MEOX2: variants seen among roughly 807,000 people sequenced by gnomAD.
MEOX2 encodes the protein homeobox protein MOX-2.
Under a neutral mutation model 27.0 loss-of-function variants are expected in MEOX2, and 11 were observed. That is an observed-to-expected ratio of 0.41 (90% CI 0.26 to 0.68). The LOEUF (loss-of-function observed/expected upper bound fraction) is 0.68. Among genes scored for constraint, MEOX2 ranks in the 30% least tolerant of loss-of-function variants. The pLI, the probability that MEOX2 is intolerant of heterozygous loss-of-function variation, is 0.33. For missense variants in MEOX2, 436 were observed against 385.4 expected (o/e 1.13, Z -1.10); for synonymous variants, 189 against 155.4 (o/e 1.22, Z -1.61).
chr7:15,645,922 T>C (rs1045789544), intron 1 of MEOX2, among the ~76,000 whole-genome samples: 4 of 152,114 alleles, frequency 2.6e-5, no homozygotes, highest in Admixed American at 6.5e-5. Context: ...AGGAAAGTGT[T>C]TCTGGTTTAT....
chr7:15,622,813 T>C (rs1781241548), intron 2 of MEOX2, among the ~76,000 whole-genome samples: 1 of 152,114 alleles, frequency 6.6e-6, no homozygotes, highest in East Asian at 1.9e-4. Flanking sequence ...GTGACGGCAT[T>C]AGGAGATGGG....
chr7:15,659,758 CAAAAAAA>C lies in MEOX2; in HGVS notation c.517+26121_517+26127del, dbSNP rs58319551. Among the ~76,000 whole-genome samples the C allele has an allele frequency of 9.2e-5, 5 of 54,222 alleles. No homozygotes were observed. In the East Asian group the frequency reaches 2.4e-3, roughly 26 times the overall value. The allele number at this position is 54,222 out of a possible 152,430, so 35.6% of individuals were successfully genotyped here. On this transcript the variant is annotated intron_variant, in intron 1 of 2. Transcript: ENST00000262041. ...CTGGGTGACAGAGCGAGACTGCTCTCAAAAAAAAAAAAAAAAAAAAAAAGCAAAGAGG... is the reference window on the plus strand; with the variant it reads ...CTGGGTGACAGAGCGAGACTGCTCTCAAAAAAAAAAAAAAAAGCAAAGAGG...
At chr7:15,669,422 C>G (rs544884121) in intron 1 of MEOX2, among the ~76,000 whole-genome samples, 35 of 152,354 alleles carry the variant, frequency 2.3e-4, no homozygotes, top group Admixed American at 3.9e-4. Flanking sequence ...ACACTCTCAA[C>G]TCATAAATTC....
Position 15,666,611 on chromosome 7 carries a change from G to T in MEOX2, c.517+19275C>A, listed in dbSNP as rs144213341. Among the ~76,000 whole-genome samples the T allele has an allele frequency of 6.2e-3, 936 of 151,444 alleles. 10 individuals are homozygous for T. Among genetic ancestry groups the T allele is most frequent in the African/African-American group, 0.021 (864 of 41,234 alleles). On this transcript the variant is annotated intron_variant, in intron 1 of 2. Transcript: ENST00000262041. ...TACTAAAATACAAAAAATTAGCCGGGCGTTGTGGTATGTGCCTATAGTCCC... is the reference window on the plus strand; with the variant it reads ...TACTAAAATACAAAAAATTAGCCGGTCGTTGTGGTATGTGCCTATAGTCCC...
At chr7:15,615,901 G>C (rs1450746957) in intron 2 of MEOX2, among the ~76,000 whole-genome samples, 11 of 151,866 alleles carry the variant, frequency 7.2e-5, no homozygotes, top group Admixed American at 5.9e-4. Context: ...CTTTTTCTAG[G>C]AGAAGGGATA....
chr7:15,650,576 A>G (rs2115376662), intron 1 of MEOX2, among the ~76,000 whole-genome samples: 1 of 152,198 alleles, frequency 6.6e-6, no homozygotes, highest in African/African-American at 2.4e-5. Flanking sequence ...ATAAATGTTT[A>G]CTGAATGCTT....
intron 1 of MEOX2, among the ~76,000 whole-genome samples, chr7:15,627,781 T>G (rs1407062466): frequency 9.0e-6 from 1 of 111,140 alleles, no homozygotes; most frequent in Non-Finnish European, 2.0e-5. Flanking sequence ...CTTAATATAC[T>G]AAAAAGCAGA....
chr7:15,632,410 C>T (rs1781418777), intron 1 of MEOX2, among the ~76,000 whole-genome samples: 1 of 151,584 alleles, frequency 6.6e-6, no homozygotes, highest in East Asian at 1.9e-4. Context: ...TTTTATCTTT[C>T]CTTTCCTAGA....
At chr7:15,673,976 C>T (rs754344401) in intron 1 of MEOX2, among the ~76,000 whole-genome samples, 39 of 151,950 alleles carry the variant, frequency 2.6e-4, no homozygotes, top group Non-Finnish European at 4.6e-4. Flanking sequence ...CACACACATA[C>T]GCATATATGT....
At chr7:15,626,071 G>C (rs1583746397) in intron 2 of MEOX2, among the ~76,000 whole-genome samples, 1 of 152,080 alleles carries the variant, frequency 6.6e-6, no homozygotes, top group East Asian at 1.9e-4. Context: ...TTGCACCTAA[G>C]CCGCACCATT....
intron 1 of MEOX2, among the ~76,000 whole-genome samples, chr7:15,640,173 C>T (rs1781538036): frequency 6.6e-6 from 1 of 151,694 alleles, no homozygotes; most frequent in Non-Finnish European, 1.5e-5. Flanking sequence ...TTGTAGTTCT[C>T]CTTGTAGAAT....
chr7:15,686,076 G>A lies in MEOX2; in HGVS notation c.327C>T (p.Cys109=), dbSNP rs1366288202. The A allele has an allele frequency of 6.3e-7, 1 of 1,594,422 alleles. No homozygotes were observed. Among genetic ancestry groups the A allele is most frequent in the South Asian group, 1.1e-5 (1 of 89,818 alleles). ...GGGGCCCTCCAGAGTCGGGCTGGAG[G>A]CAGAGGCTGTGCCGAGCCGCACTCG... ...SPPSAARHSL[C]LQPDSGGPPE... The change falls in exon 1 of 3, where the codon TGC becomes TGT. Residue 109 remains cysteine (C), a synonymous_variant. Transcript: ENST00000262041.
intron 1 of MEOX2, among the ~76,000 whole-genome samples, chr7:15,628,253 C>T (rs1290067236): frequency 6.6e-6 from 1 of 151,782 alleles, no homozygotes; most frequent in Non-Finnish European, 1.5e-5. Flanking sequence ...TTTAACTGAA[C>T]TAAAGAGGAC....
At chr7:15,622,053 G>T (rs569580954) in intron 2 of MEOX2, among the ~76,000 whole-genome samples, 4 of 152,248 alleles carry the variant, frequency 2.6e-5, no homozygotes, top group African/African-American at 9.6e-5. Flanking sequence ...GGAGGCGGAG[G>T]TTGCAGTGAG....
rs116668743 is a variant in MEOX2, at chr7:15,642,880, G to A, written c.518-15962C>T. Among the ~76,000 whole-genome samples the A allele has an allele frequency of 4.0e-3, 604 of 152,154 alleles. 4 individuals carry two copies. The highest frequency in any genetic ancestry group is 0.014 in the African/African-American group (566 of 41,508). ...GCCAAGGCTCTATATGATTTCCTTG[G>A]CTGTAGAGAACCTTAGTTTAGTGGT... On this transcript the variant is annotated intron_variant, in intron 1 of 2. Coordinates refer to ENST00000262041, the MANE Select transcript of MEOX2 (RefSeq NM_005924.5).
intron 2 of MEOX2, among the ~76,000 whole-genome samples, chr7:15,624,735 C>T (rs7806599): frequency 0.67 from 101,376 of 151,984 alleles, 34,050 homozygotes; most frequent in East Asian, 0.81. Flanking sequence ...ACCTACAAAA[C>T]CTAAAGCAAA....
chr7:15,663,907 C>T (rs964394570), intron 1 of MEOX2, among the ~76,000 whole-genome samples: 1 of 152,086 alleles, frequency 6.6e-6, no homozygotes, highest in African/African-American at 2.4e-5. Flanking sequence ...CTGTTCAATA[C>T]TATCTGTTTG....
intron 1 of MEOX2, among the ~76,000 whole-genome samples, chr7:15,673,227 C>G (rs4532497): frequency 4.6e-5 from 7 of 151,992 alleles, no homozygotes; most frequent in African/African-American, 1.7e-4. Flanking sequence ...AGTAAAAAAC[C>G]AGAGACATGT....
intron 2 of MEOX2, among the ~76,000 whole-genome samples, chr7:15,615,028 C>CA (rs1272335478): frequency 2.0e-5 from 3 of 151,574 alleles, no homozygotes; most frequent in African/African-American, 7.3e-5. Flanking sequence ...ATCAATTTGA[C>CA]AATAAAAAAT....
Sources: allele counts gnomAD v4.1 joint callset (sites outside exome capture counted in the v4.1 genomes callset), GRCh38; gene constraint gnomAD v4.1.1; transcripts MANE v1.5; gene names NCBI Gene and HGNC (gene_info 2026-07-23, HGNC 2026-07-21).